PHF13: variants seen among roughly 807,000 people sequenced by gnomAD.
PHF13 encodes PHD finger protein 13.
PHF13 carries 1 observed loss-of-function variant against 25.8 expected under a neutral mutation model. The ratio of observed to expected loss-of-function variants is 0.04; its 90% confidence interval spans 0.01 to 0.18. PHF13 has a LOEUF of 0.18. Ranked by LOEUF, PHF13 falls within the 10% of genes least tolerant of loss-of-function variation. The pLI, the probability that PHF13 is intolerant of heterozygous loss-of-function variation, is 1.00. For missense variants in PHF13, 306 were observed against 403.2 expected, an observed-to-expected ratio of 0.76 and a Z score of 2.06; for synonymous variants, 195 against 162.4, an observed-to-expected ratio of 1.20 and a Z score of -1.53.
At position 6,621,604 on chromosome 1, in the gene PHF13, G is replaced by A. The variant is rs371795217; in HGVS notation, c.870G>A (p.Ser290=). 9.3e-6 allele frequency: 15 copies of A among 1,614,080 alleles called. No homozygotes were observed. Among genetic ancestry groups the A allele is most frequent in the African/African-American group, 4.0e-5 (3 of 74,946 alleles). The change falls in exon 4 of 4, where the codon TCG becomes TCA. Residue 290 remains serine, a synonymous_variant. Coordinates refer to ENST00000377648, the MANE Select transcript of PHF13 (RefSeq NM_153812.3). The surrounding 1 kb of genome is among the most constrained non-coding windows in gnomAD (Gnocchi z 4.8). ...TTGACATCCGCCGTTCCAACCGCTC[G>A]CGGACGGGCTCCCGGAAGCTGTTCC... is the stretch of plus-strand genomic sequence containing the variant. ...SKFDIRRSNR[S]RTGSRKLFLD
Position 6,621,544 on chromosome 1 carries a change from A to C in PHF13, c.810A>C (p.Glu270Asp). The change falls in exon 4 of 4, where the codon GAA becomes GAC. Residue 270 changes from glutamate (E) to aspartate (D), a missense_variant. By Grantham distance (45) the Glu-to-Asp change is conservative. This residue lies in a region of PHF13 where 40 missense variants were observed against 71.6 expected (regional missense o/e 0.56). Transcript: ENST00000377648. This position sits in a 1 kb window ranked among gnomAD's most constrained non-coding sequence, Gnocchi z 4.8. The part of the protein sequence containing the change: ...CAKIRKSNVP[E>D]VFVCQKCRDS... ...AAATCCGGAAATCCAATGTTCCAGA[A>C]GTGTTTGTCTGCCAAAAGTGCCGGG... 2 of 1,614,180 alleles carry C rather than the reference A, an allele frequency of 1.2e-6. No individual in the cohort carries two copies. The highest frequency in any genetic ancestry group is 1.7e-6 in the Non-Finnish European group (2 of 1,180,034).
In PHF13 at chr1:6,621,771, G is replaced by A. The variant is rs1011806279; in HGVS notation, c.*134G>A. The A allele has an allele frequency of 4.1e-5, 35 of 863,988 alleles. No individual in the cohort carries two copies. In the Middle Eastern group the frequency reaches 1.4e-3, roughly 34 times the overall value. 53.5% of individuals were successfully genotyped at this position (863,988 alleles called of 1,614,324 possible). Reference sequence around the variant, plus strand: ...CTGCCATTTAGGTGCCTAAGCAAAAGGACAGGCTGTCCAAGGTAGAAACTG... The same window carrying A: ...CTGCCATTTAGGTGCCTAAGCAAAAAGACAGGCTGTCCAAGGTAGAAACTG... On this transcript the variant is annotated 3_prime_UTR_variant, in exon 4 of 4. Transcript: ENST00000377648. This position sits in a 1 kb window ranked among gnomAD's most constrained non-coding sequence, Gnocchi z 4.8.
In PHF13 at chr1:6,614,123, T is replaced by G. The variant is rs574836145; in HGVS notation, c.39+18T>G. 47 of 1,594,262 alleles carry G rather than the reference T, an allele frequency of 2.9e-5. No individual in the cohort carries two copies. Among genetic ancestry groups the G allele is most frequent in the African/African-American group, 1.4e-4 (10 of 71,752 alleles). The stretch of plus-strand genomic sequence containing the variant: ...ACCCGGAGGTGAGTGAAGCTGTGCG[T>G]CCGAATCGCCCCCGACCACCCCCTC... On this transcript the variant is annotated intron_variant, in intron 1 of 3. Transcript: ENST00000377648.
chr1:6,614,079 T>G lies in PHF13; in HGVS notation c.13T>G (p.Ser5Ala). ...CCCCGCCCGGAACATGGACTCTGAC[T>G]CTTGCGCCGCCGCCTTCCACCCGGA... MDSD[S>A]CAAAFHPEEY... The change falls in exon 1 of 4, where the codon TCT (serine) becomes GCT (alanine). Residue 5 changes from serine (S) to alanine (A), a missense_variant. This residue lies in a region of PHF13 where 31 missense variants were observed against 23.9 expected (regional missense o/e 1.30). Transcript: ENST00000377648. 6.3e-7 allele frequency: 1 copy of G among 1,586,940 alleles called. No individual in the cohort carries two copies.
rs558780697 is a variant in PHF13 at position 6,623,716 on chromosome 1, C to A, written c.*2079C>A. The A allele has an allele frequency of 6.5e-6, 1 of 152,676 alleles. No homozygotes were observed. The highest frequency in any genetic ancestry group is 1.5e-5 in the Non-Finnish European group (1 of 68,028). The allele number at this position is 152,676 out of a possible 1,614,324, so 9.5% of individuals were successfully genotyped here. A position where few individuals can be genotyped will look rare whatever the true frequency, so the allele number is the denominator to read the frequency against. ...TGGGTGGTGTCTAAGAAGTCGGACA[C>A]CTTGGTTTTTGTGTTAGATTGAGCT... On this transcript the variant is annotated 3_prime_UTR_variant, in exon 4 of 4. Transcript: ENST00000377648.
intron 2 of PHF13, 25 bp from the exon 3 acceptor site, chr1:6,619,778 G>A (rs765106910): frequency 6.4e-7 from 1 of 1,565,176 alleles, no homozygotes; most frequent in Non-Finnish European, 8.7e-7. Context: ...CCAGTAACTG[G>A]AATCTGCCAC....
At chr1:6,620,905 G>A (rs946032319) in intron 3 of PHF13, among the ~76,000 whole-genome samples, 6 of 151,826 alleles carry the variant, frequency 4.0e-5, no homozygotes, top group Non-Finnish European at 7.4e-5. Flanking sequence ...GGTGGTGCGC[G>A]CCTGCAATTC....
chr1:6,614,325 G>A (rs1190097013), intron 1 of PHF13: 1 of 521,672 alleles, frequency 1.9e-6, no homozygotes, highest in African/African-American at 2.2e-5. Flanking sequence ...GGACCTCCGC[G>A]TCCTCCCCGC....
intron 1 of PHF13, among the ~76,000 whole-genome samples, chr1:6,614,803 C>T (rs540589847): frequency 5.9e-5 from 9 of 151,592 alleles, no homozygotes; most frequent in Non-Finnish European, 1.2e-4. Flanking sequence ...CCCCTCCTTC[C>T]GGGGATCGGC....
intron 1 of PHF13, among the ~76,000 whole-genome samples, chr1:6,615,650 G>A (rs995387090): frequency 6.6e-6 from 1 of 152,186 alleles, no homozygotes; most frequent in Admixed American, 6.5e-5. Context: ...AGGAACCTCA[G>A]GGAACGTGCC....
chr1:6,613,820 A>C lies in PHF13; in HGVS notation c.-247A>C. 4 of 189,588 alleles carry C rather than the reference A, an allele frequency of 2.1e-5. No individual in the cohort carries two copies. The highest frequency in any genetic ancestry group is 7.3e-5 in the South Asian group (1 of 13,752). The allele number at this position is 189,588 out of a possible 1,614,324, so 11.7% of individuals were successfully genotyped here. A position where few individuals can be genotyped will look rare whatever the true frequency, so the allele number is the denominator to read the frequency against. On this transcript the variant is annotated 5_prime_UTR_variant, in exon 1 of 4. Transcript: ENST00000377648. ...CACCGCCGCCGCCGCCGCCCCCTGC[A>C]GCCACTCTCCCGCCTCTACCGCCGC...
At chr1:6,616,676 C>T (rs376655248) in intron 1 of PHF13, 81 bp from the exon 2 acceptor site, 20 of 1,200,872 alleles carry the variant, frequency 1.7e-5, no homozygotes, top group Non-Finnish European at 2.4e-5. Flanking sequence ...TACAAAAGTT[C>T]CAGCTTACTT....
At position 6,614,120 on chromosome 1, in the gene PHF13, G is replaced by A. The variant is rs935004981; in HGVS notation, c.39+15G>A. 6.3e-7 allele frequency: 1 copy of A among 1,596,376 alleles called. No homozygotes were observed. The highest frequency in any genetic ancestry group is 8.5e-7 in the Non-Finnish European group (1 of 1,173,150). On this transcript the variant is annotated intron_variant, in intron 1 of 3. Transcript: ENST00000377648. ...TCCACCCGGAGGTGAGTGAAGCTGT[G>A]CGTCCGAATCGCCCCCGACCACCCC...
chr1:6,618,291 C>G (rs532359867), intron 2 of PHF13, among the ~76,000 whole-genome samples: 3 of 152,274 alleles, frequency 2.0e-5, no homozygotes, highest in Admixed American at 6.5e-5. Flanking sequence ...CACCACCACA[C>G]CCACCTAATT....
Position 6,616,679 on chromosome 1 carries a change from GCTTA to G in PHF13, c.40-74_40-71del, listed in dbSNP as rs764216287. ...TGAGTGATTGACTACAAAAGTTCCA[GCTTA>G]CTTCCTTTTGTTTCTGTGATTCCGC... On this transcript the variant is annotated intron_variant, in intron 1 of 3. Transcript: ENST00000377648. The G allele has an allele frequency of 2.0e-3, 2,485 of 1,249,120 alleles. 5 individuals are homozygous for G. Among genetic ancestry groups the G allele is most frequent in the Non-Finnish European group, 2.5e-3 (2,138 of 848,768 alleles). 77.4% of individuals were successfully genotyped at this position (1,249,120 alleles called of 1,614,324 possible).
rs570928173 is a variant in PHF13 at position 6,623,736 on chromosome 1, T to G, written c.*2099T>G. The G allele has an allele frequency of 4.6e-4, 70 of 152,764 alleles. No homozygotes were observed. Among genetic ancestry groups the G allele is most frequent in the Non-Finnish European group, 7.9e-4 (54 of 68,040 alleles). The allele number at this position is 152,764 out of a possible 1,614,324, so 9.5% of individuals were successfully genotyped here. ...GGACACCTTGGTTTTTGTGTTAGAT[T>G]GAGCTGGGCAGCTGCAATCAGCTTC... On this transcript the variant is annotated 3_prime_UTR_variant, in exon 4 of 4. Transcript: ENST00000377648.
intron 3 of PHF13, among the ~76,000 whole-genome samples, chr1:6,620,633 C>G (rs372042984): frequency 6.6e-6 from 1 of 152,198 alleles, no homozygotes; most frequent in African/African-American, 2.4e-5. Context: ...CACCAGTAAT[C>G]CCGGCACTTT....
chr1:6,614,062 G>A lies in PHF13; in HGVS notation c.-5G>A, dbSNP rs758062832. 1.4e-5 allele frequency: 21 copies of A among 1,506,254 alleles called. No individual in the cohort carries two copies. In the African/African-American group the frequency reaches 2.3e-4, roughly 17 times the overall value. The allele number at this position is 1,506,254 out of a possible 1,614,324, so 93.3% of individuals were successfully genotyped here. A position where few individuals can be genotyped will look rare whatever the true frequency, so the allele number is the denominator to read the frequency against. On this transcript the variant is annotated 5_prime_UTR_variant, in exon 1 of 4. Transcript: ENST00000377648. ...TCGCAGCCGCCGCCGCCCCCCGCCC[G>A]GAACATGGACTCTGACTCTTGCGCC...
chr1:6,614,824 C>T (rs1235165638), intron 1 of PHF13, among the ~76,000 whole-genome samples: 1 of 151,446 alleles, frequency 6.6e-6, no homozygotes, highest in Non-Finnish European at 1.5e-5. Flanking sequence ...CCTCGGGGCT[C>T]CCGGCCTCCC....
Sources: allele counts gnomAD v4.1 joint callset (sites outside exome capture counted in the v4.1 genomes callset), GRCh38; gene constraint gnomAD v4.1.1; regional missense constraint gnomAD v4.1.1; non-coding constraint Gnocchi (gnomAD v3.1); transcripts MANE v1.5; gene names NCBI Gene and HGNC (gene_info 2026-07-23, HGNC 2026-07-21).